Variants in ADAMTS18 observed in about 807,000 individuals in gnomAD.
ADAMTS18 encodes the protein ADAM metallopeptidase with thrombospondin type 1 motif 18.
A neutral mutation model predicts 165.9 loss-of-function variants in ADAMTS18; 157 were observed. That is an observed-to-expected ratio of 0.95 (90% CI 0.83 to 1.08). The LOEUF (loss-of-function observed/expected upper bound fraction) is 1.08, where lower values mean the gene tolerates loss of function less well. Ranked by LOEUF, ADAMTS18 falls within the 50% of genes least tolerant of loss-of-function variation. ADAMTS18 has a pLI of 0.00. For synonymous variants in ADAMTS18, 782 were observed against 578.2 expected (o/e 1.35, Z -5.06); for missense variants, 2,040 against 1,534.0 (o/e 1.33, Z -5.51).
rs1287566107 is a variant in ADAMTS18 at position 77,293,191 on chromosome 16, G to T, written c.3074C>A (p.Thr1025Asn). Reference protein sequence around the residue: ...ELLCKGSAAETLPESQCTSLP... With the variant: ...ELLCKGSAAENLPESQCTSLP... ...ACTGGTACACTGGCTCTCGGGGAGG[G>T]TTTCTGCGGCAGAGCCCTTGCAGAG... The change falls in exon 20 of 23, where the codon ACC (threonine) becomes AAC (asparagine). Residue 1025 changes from threonine (T) to asparagine (N), a missense_variant. Physicochemically the swap from Thr to Asn is moderately conservative, Grantham distance 65. Transcript: ENST00000282849. 6.2e-7 allele frequency: 1 copy of T among 1,613,904 alleles called. No individual in the cohort carries two copies. The highest frequency in any genetic ancestry group is 2.2e-5 in the East Asian group (1 of 44,850).
rs1864161 is a variant in ADAMTS18, at chr16:77,414,594, C to A, written c.495+16701G>T. Among the ~76,000 whole-genome samples the A allele has an allele frequency of 4.0e-5, 6 of 151,864 alleles. No individual in the cohort carries two copies. In the East Asian group the frequency reaches 9.7e-4, roughly 24 times the overall value. On this transcript the variant is annotated intron_variant, in intron 3 of 22. Coordinates refer to ENST00000282849, the MANE Select transcript of ADAMTS18 (RefSeq NM_199355.4). ...CTTGCATTATATTTCTACTGTACAG[C>A]GCTAGCCTGAAGCAAAGAGATGGTA...
chr16:77,344,638 C>G (rs1249348046), intron 10 of ADAMTS18, among the ~76,000 whole-genome samples: 1 of 152,054 alleles, frequency 6.6e-6, no homozygotes, highest in East Asian at 1.9e-4. Flanking sequence ...ACCAAAATGG[C>G]CCTAGGGCAG....
intron 3 of ADAMTS18, among the ~76,000 whole-genome samples, chr16:77,398,176 A>C (rs2057282643): frequency 6.6e-6 from 1 of 151,934 alleles, no homozygotes; most frequent in Admixed American, 6.6e-5. Context: ...AATTAGCCGG[A>C]TGTGGTGATG....
At chr16:77,336,338 T>C (rs1215257423) in intron 11 of ADAMTS18, among the ~76,000 whole-genome samples, 3 of 152,184 alleles carry the variant, frequency 2.0e-5, no homozygotes, top group East Asian at 1.9e-4. Flanking sequence ...GAAAGAACAA[T>C]TGGGATCACT....
intron 3 of ADAMTS18, among the ~76,000 whole-genome samples, chr16:77,415,696 G>T (rs1323218985): frequency 7.2e-6 from 1 of 138,804 alleles, no homozygotes; most frequent in African/African-American, 2.7e-5. Flanking sequence ...AACGTTATCA[G>T]ATGACTGGAG....
chr16:77,310,965 T>A (rs1316278870), intron 16 of ADAMTS18, among the ~76,000 whole-genome samples: 2 of 152,214 alleles, frequency 1.3e-5, no homozygotes, highest in Non-Finnish European at 2.9e-5. Context: ...GAATGTTTTT[T>A]AAACCAGACA....
chr16:77,377,027 C>T (rs1030790767), intron 3 of ADAMTS18, among the ~76,000 whole-genome samples: 2 of 152,086 alleles, frequency 1.3e-5, no homozygotes, highest in South Asian at 4.1e-4. Context: ...ATTGGCCAGG[C>T]TGGTCTTGAA....
chr16:77,391,738 C>T (rs1468865602), intron 3 of ADAMTS18, among the ~76,000 whole-genome samples: 1 of 152,106 alleles, frequency 6.6e-6, no homozygotes, highest in African/African-American at 2.4e-5. Context: ...TACAACTCTA[C>T]TCGATTTCAA....
intron 3 of ADAMTS18, among the ~76,000 whole-genome samples, chr16:77,394,296 A>G (rs1315474353): frequency 6.6e-6 from 1 of 152,188 alleles, no homozygotes; most frequent in African/African-American, 2.4e-5. Context: ...AACAGGTAAG[A>G]AATAAGACCT....
At chr16:77,418,115 A>G (rs1413982364) in intron 3 of ADAMTS18, among the ~76,000 whole-genome samples, 1 of 152,130 alleles carries the variant, frequency 6.6e-6, no homozygotes, top group Admixed American at 6.5e-5. Context: ...ATGCTGTGAA[A>G]TTCAAAAGCA....
chr16:77,403,842 G>A (rs1000806925), intron 3 of ADAMTS18, among the ~76,000 whole-genome samples: 17 of 152,142 alleles, frequency 1.1e-4, no homozygotes, highest in African/African-American at 3.9e-4. Flanking sequence ...AACTTGAAAG[G>A]AAGGGACACG....
At chr16:77,433,318 A>G (rs2057760987) in intron 2 of ADAMTS18, 1 of 152,258 alleles carries the variant, frequency 6.6e-6, no homozygotes, top group African/African-American at 2.4e-5. Flanking sequence ...CCAGCCTTCT[A>G]TGGAACCAGC....
At chr16:77,364,614 C>T (rs962378704) in intron 4 of ADAMTS18, among the ~76,000 whole-genome samples, 9 of 145,132 alleles carry the variant, frequency 6.2e-5, no homozygotes, top group African/African-American at 1.8e-4. Context: ...ATGGAATGGA[C>T]AGGATAGATG....
chr16:77,332,226 A>C (rs2056200936), intron 12 of ADAMTS18, among the ~76,000 whole-genome samples: 2 of 152,188 alleles, frequency 1.3e-5, no homozygotes. Context: ...CTACCAACTT[A>C]AATTATGTTG....
chr16:77,288,647 C>G (rs1460366049), intron 22 of ADAMTS18, among the ~76,000 whole-genome samples: 2 of 152,132 alleles, frequency 1.3e-5, no homozygotes, highest in African/African-American at 4.8e-5. Flanking sequence ...TTTTTTATAT[C>G]TTCAACAAAC....
At position 77,319,841 on chromosome 16, in the gene ADAMTS18, G is replaced by A. The variant is rs759862411; in HGVS notation, c.2532+8C>T. ...GCACTGAGAACTGAATACACAGAAG[G>A]GGCTTACTTCAAAGACCAGCGTCTC... On this transcript the variant is annotated splice_region_variant and intron_variant, in intron 16 of 22. Transcript: ENST00000282849. 6.2e-7 allele frequency: 1 copy of A among 1,614,030 alleles called. No homozygotes were observed. Among genetic ancestry groups the A allele is most frequent in the Non-Finnish European group, 8.5e-7 (1 of 1,179,982 alleles).
intron 3 of ADAMTS18, among the ~76,000 whole-genome samples, chr16:77,388,748 C>T (rs890720966): frequency 6.6e-6 from 1 of 152,168 alleles, no homozygotes; most frequent in Non-Finnish European, 1.5e-5. Flanking sequence ...TGGTTGTTTT[C>T]TTCCCCTCAG....
intron 10 of ADAMTS18, among the ~76,000 whole-genome samples, chr16:77,350,118 A>G (rs1459465610): frequency 1.3e-5 from 2 of 152,208 alleles, no homozygotes; most frequent in Admixed American, 6.5e-5. Context: ...AAGCATTTCT[A>G]AAGTGCAGAA....
chr16:77,312,359 TC>T (rs1475834544), intron 16 of ADAMTS18, among the ~76,000 whole-genome samples: 1 of 151,926 alleles, frequency 6.6e-6, no homozygotes, highest in African/African-American at 2.4e-5. Flanking sequence ...TGCCTCAGCC[TC>T]CCCAGTACCT....
Sources: gnomAD v4.1 joint callset for allele counts (sites outside exome capture counted in the v4.1 genomes callset) on GRCh38, gnomAD v4.1.1 for gene constraint, MANE v1.5 for transcripts, NCBI Gene and HGNC (gene_info 2026-07-23, HGNC 2026-07-21) for gene names.